MEF2A: variants seen among roughly 807,000 people sequenced by gnomAD.
The protein encoded by MEF2A is myocyte enhancer factor 2A.
Under a neutral mutation model 55.8 loss-of-function variants are expected in MEF2A, and 28 were observed. The ratio of observed to expected loss-of-function variants is 0.50; its 90% CI spans 0.37 to 0.69. The LOEUF (loss-of-function observed/expected upper bound fraction) is 0.69. MEF2A is among the 30% of genes least tolerant of loss of function. The probability of loss-of-function intolerance (pLI) is 0.00; values close to 1 mark genes in which losing one functional copy is unlikely to be tolerated. For synonymous variants in MEF2A, 239 were observed against 227.1 expected (o/e 1.05, Z -0.47); for missense variants, 528 against 626.2 (o/e 0.84, Z 1.67).
intron 4 of MEF2A, among the ~76,000 whole-genome samples, chr15:99,670,231 C>T (rs765294789): frequency 5.9e-5 from 9 of 151,974 alleles, no homozygotes; most frequent in Non-Finnish European, 8.8e-5. Context: ...AAATAAAAAT[C>T]AGAAAACCAA....
rs944975386 is a variant in MEF2A, at chr15:99,715,208, G to A, written c.*2437G>A. On this transcript the variant is annotated 3_prime_UTR_variant, in exon 12 of 12. Coordinates refer to ENST00000557942, the MANE Select transcript of MEF2A (RefSeq NM_001319206.4). ...TTGTAAACCATTTATAGCTTTGAAA[G>A]TGTTAAGTGATTCCTTCGTTATTAT... The A allele has an allele frequency of 1.4e-4, 21 of 152,262 alleles. No homozygotes were observed. Among genetic ancestry groups the A allele is most frequent in the African/African-American group, 4.8e-4 (20 of 41,560 alleles). 9.4% of individuals were successfully genotyped at this position (152,262 alleles called of 1,614,324 possible). A position where few individuals can be genotyped will look rare whatever the true frequency, so the allele number is the denominator to read the frequency against.
chr15:99,637,241 T>C (rs551848289), intron 3 of MEF2A, among the ~76,000 whole-genome samples: 12 of 152,318 alleles, frequency 7.9e-5, no homozygotes, highest in African/African-American at 1.9e-4. Context: ...ATATTTTTTT[T>C]CCACTGGATG....
intron 2 of MEF2A, among the ~76,000 whole-genome samples, chr15:99,611,677 C>G (rs1977340543): frequency 2.0e-5 from 3 of 152,202 alleles, no homozygotes; most frequent in Admixed American, 2.0e-4. Flanking sequence ...AGCGATATAT[C>G]TGGTAGAATT....
intron 4 of MEF2A, 177 bp downstream of exon 4, chr15:99,645,941 C>T: frequency 2.0e-6 from 1 of 488,670 alleles, no homozygotes; most frequent in Non-Finnish European, 3.6e-6. Context: ...GTGTTATAAA[C>T]ATACTCTATT....
In MEF2A at chr15:99,712,912, T is replaced by C; in HGVS notation, c.*141T>C. 1.1e-6 allele frequency: 1 copy of C among 895,118 alleles called. No individual in the cohort carries two copies. Among genetic ancestry groups the C allele is most frequent in the Non-Finnish European group, 1.6e-6 (1 of 622,400 alleles). 55.4% of individuals were successfully genotyped at this position (895,118 alleles called of 1,614,324 possible). A position where few individuals can be genotyped will look rare whatever the true frequency, so the allele number is the denominator to read the frequency against. On this transcript the variant is annotated 3_prime_UTR_variant, in exon 12 of 12. Coordinates refer to ENST00000557942, the MANE Select transcript of MEF2A (RefSeq NM_001319206.4). This position sits in a 1 kb window ranked among gnomAD's most constrained non-coding sequence, Gnocchi z 4.1. Reference sequence around the variant, plus strand: ...CCCTTTACATATATATGTATGTGGGTGTGAGTGTGTATGTGTGGGTGTGTG... The same window carrying C: ...CCCTTTACATATATATGTATGTGGGCGTGAGTGTGTATGTGTGGGTGTGTG...
chr15:99,709,540 C>T (rs956504315), intron 10 of MEF2A, among the ~76,000 whole-genome samples: 1 of 152,178 alleles, frequency 6.6e-6, no homozygotes, highest in African/African-American at 2.4e-5. Flanking sequence ...GTCAGGACAG[C>T]CCTGAGCACC....
rs939707794 is a variant in MEF2A, at chr15:99,583,498, T to G, written c.-224-14932T>G. On this transcript the variant is annotated intron_variant, in intron 1 of 11. Transcript: ENST00000557942. Reference sequence around the variant, plus strand: ...GTGTTCCTATTTTTAAAGTTTGTGTTTGTGTGTGCTTCTTGTTACAGGTGT... The same window carrying G: ...GTGTTCCTATTTTTAAAGTTTGTGTGTGTGTGTGCTTCTTGTTACAGGTGT... Among the ~76,000 whole-genome samples the G allele has an allele frequency of 3.3e-5, 5 of 152,142 alleles. No individual in the cohort carries two copies. The South Asian group carries it at 1.0e-3, about 31-fold the overall frequency.
At chr15:99,576,348 T>G (rs537486494) in intron 1 of MEF2A, among the ~76,000 whole-genome samples, 2 of 152,330 alleles carry the variant, frequency 1.3e-5, no homozygotes, top group Admixed American at 1.3e-4. Flanking sequence ...GGTCTTGTTT[T>G]CCAAAACATT....
rs1469726030 is a variant in MEF2A at position 99,713,792 on chromosome 15, A to C, written c.*1021A>C. 1 of 152,224 alleles carries C rather than the reference A, an allele frequency of 6.6e-6. No individual in the cohort carries two copies. The highest frequency in any genetic ancestry group is 6.5e-5 in the Admixed American group (1 of 15,284). The allele number at this position is 152,224 out of a possible 1,614,324, so 9.4% of individuals were successfully genotyped here. Reference sequence around the variant, plus strand: ...ATCTTGCAAGCAGAACCTTGGAAAAAAAAAGCCATGAACACTTATTCTAAA... The same window carrying C: ...ATCTTGCAAGCAGAACCTTGGAAAACAAAAGCCATGAACACTTATTCTAAA... On this transcript the variant is annotated 3_prime_UTR_variant, in exon 12 of 12. Transcript: ENST00000557942.
chr15:99,656,379 C>T (rs942417163), intron 4 of MEF2A, among the ~76,000 whole-genome samples: 9 of 152,110 alleles, frequency 5.9e-5, no homozygotes, highest in South Asian at 2.1e-4. Context: ...TCTCATAAAC[C>T]GCAAAACCTA....
At position 99,620,424 on chromosome 15, in the gene MEF2A, A is replaced by G. The variant is rs185829203; in HGVS notation, c.-142-12554A>G. On this transcript the variant is annotated intron_variant, in intron 2 of 11. Coordinates refer to ENST00000557942, the MANE Select transcript of MEF2A (RefSeq NM_001319206.4). Reference sequence around the variant, plus strand: ...CACTCAATGTTTAGCTCTCACTGATAAACGAGAACAGTGGGATTTGGTTTC... The same window carrying G: ...CACTCAATGTTTAGCTCTCACTGATGAACGAGAACAGTGGGATTTGGTTTC... 3.3e-5 allele frequency among the ~76,000 whole-genome samples: 5 copies of G among 152,344 alleles called. No homozygotes were observed. In the South Asian group the frequency reaches 6.2e-4, roughly 19 times the overall value.
At chr15:99,639,758 A>G (rs924424296) in intron 3 of MEF2A, among the ~76,000 whole-genome samples, 1 of 150,730 alleles carries the variant, frequency 6.6e-6, no homozygotes, top group Non-Finnish European at 1.5e-5. Flanking sequence ...TTTCTTTTCT[A>G]TTTTTTCTGT....
chr15:99,649,342 AATG>A (rs2046470648), intron 4 of MEF2A, among the ~76,000 whole-genome samples: 1 of 152,156 alleles, frequency 6.6e-6, no homozygotes, highest in Admixed American at 6.5e-5. Flanking sequence ...ATTTCTCTGA[AATG>A]AAGAATATCA....
intron 2 of MEF2A, among the ~76,000 whole-genome samples, chr15:99,629,439 G>A (rs890031186): frequency 3.3e-5 from 5 of 152,308 alleles, no homozygotes; most frequent in African/African-American, 9.6e-5. Flanking sequence ...GTCTGGGGTC[G>A]GGTCGTACAA....
chr15:99,663,338 G>A (rs1250717063), intron 4 of MEF2A, among the ~76,000 whole-genome samples: 2 of 151,994 alleles, frequency 1.3e-5, no homozygotes, highest in Non-Finnish European at 2.9e-5. Context: ...ATATGCATTT[G>A]TGCACGTATA....
chr15:99,694,701 T>A (rs12913830), intron 8 of MEF2A, among the ~76,000 whole-genome samples: 63,804 of 152,044 alleles, frequency 0.42, 14,705 homozygotes, highest in Middle Eastern at 0.62. Context: ...GAAATTACCA[T>A]GTTCAGCCCA....
intron 5 of MEF2A, 129 bp from the exon 6 acceptor site, chr15:99,674,263 AT>A: frequency 1.4e-6 from 1 of 720,802 alleles, no homozygotes. Context: ...TAATCTGTAA[AT>A]TGGTTAAGAA....
At chr15:99,654,902 A>C (rs368583965) in intron 4 of MEF2A, among the ~76,000 whole-genome samples, 2 of 152,312 alleles carry the variant, frequency 1.3e-5, no homozygotes, top group African/African-American at 4.8e-5. Flanking sequence ...ATTTAACCAC[A>C]TGTGGCGATT....
At chr15:99,606,138 C>T (rs182648801) in intron 2 of MEF2A, among the ~76,000 whole-genome samples, 10 of 152,244 alleles carry the variant, frequency 6.6e-5, no homozygotes, top group Admixed American at 2.0e-4. Context: ...TATGACAAAA[C>T]GCACACTTTA....
Sources: allele counts gnomAD v4.1 joint callset (sites outside exome capture counted in the v4.1 genomes callset), GRCh38; gene constraint gnomAD v4.1.1; non-coding constraint Gnocchi (gnomAD v3.1); transcripts MANE v1.5; gene names NCBI Gene and HGNC (gene_info 2026-07-23, HGNC 2026-07-21).